FARS2: variants seen among roughly 807,000 people sequenced by gnomAD.
FARS2 encodes the protein phenylalanine--tRNA ligase, mitochondrial.
FARS2 carries 40 observed loss-of-function variants against 46.4 expected under a neutral mutation model. The ratio of observed to expected loss-of-function variants is 0.86; its 90% confidence interval spans 0.67 to 1.12. The LOEUF (loss-of-function observed/expected upper bound fraction) is 1.12, where lower values mean the gene tolerates loss of function less well. Among genes scored for constraint, FARS2 ranks in the 50% most tolerant of loss-of-function variants. The pLI is 0.00. For synonymous variants in FARS2, 234 were observed against 214.9 expected (o/e 1.09, Z -0.78); for missense variants, 513 against 567.9 (o/e 0.90, Z 0.98).
In FARS2 at chr6:5,446,961, G is replaced by T. The variant is rs150091046; in HGVS notation, c.904+15789G>T. Among the ~76,000 whole-genome samples the T allele has an allele frequency of 1.1e-3, 174 of 152,288 alleles. 1 individual carries two copies. The highest frequency in any genetic ancestry group is 1.1e-3 in the Non-Finnish European group (76 of 68,026). On this transcript the variant is annotated intron_variant, in intron 4 of 6. Coordinates refer to ENST00000274680, the MANE Select transcript of FARS2 (RefSeq NM_006567.5). ...CGCATGGATGTCTGGATTACACCAT[G>T]AAACATGTTACTTAGGTGGAGGAGG... is the stretch of plus-strand genomic sequence containing the variant.
At chr6:5,749,446 C>T (rs549225027) in intron 6 of FARS2, among the ~76,000 whole-genome samples, 150 of 152,326 alleles carry the variant, frequency 9.8e-4, no homozygotes, top group Admixed American at 9.5e-3. Context: ...ATGGAAGGTG[C>T]CAGTGGCAGT....
chr6:5,536,856 C>T (rs1770236641), intron 4 of FARS2, among the ~76,000 whole-genome samples: 1 of 152,228 alleles, frequency 6.6e-6, no homozygotes, highest in African/African-American at 2.4e-5. Flanking sequence ...TCTGGCTTCA[C>T]TTAAACACCA....
intron 2 of FARS2, among the ~76,000 whole-genome samples, chr6:5,391,437 T>C (rs1350121788): frequency 1.3e-5 from 2 of 152,160 alleles, no homozygotes; most frequent in Non-Finnish European, 2.9e-5. Context: ...CTATTAACCG[T>C]TAGTACTGCA....
chr6:5,454,775 A>T (rs1486725060), intron 4 of FARS2, among the ~76,000 whole-genome samples: 1 of 152,034 alleles, frequency 6.6e-6, no homozygotes, highest in Admixed American at 6.5e-5. Context: ...GGCAATGCCT[A>T]CTCTGCTTTG....
intron 6 of FARS2, among the ~76,000 whole-genome samples, chr6:5,639,682 AG>A (rs2150736548): frequency 6.6e-6 from 1 of 152,316 alleles, no homozygotes; most frequent in African/African-American, 2.4e-5. Flanking sequence ...CAAATGAGTC[AG>A]CTAAGAACAG....
intron 2 of FARS2, among the ~76,000 whole-genome samples, chr6:5,371,671 A>T (rs1169013688): frequency 6.6e-6 from 1 of 152,182 alleles, no homozygotes; most frequent in African/African-American, 2.4e-5. Flanking sequence ...ATTACTGAGT[A>T]ACTTCAGACT....
At chr6:5,561,257 A>G (rs1278833356) in intron 5 of FARS2, among the ~76,000 whole-genome samples, 2 of 152,206 alleles carry the variant, frequency 1.3e-5, no homozygotes, top group East Asian at 1.9e-4. Flanking sequence ...TTAATATTTT[A>G]TCAAATTTTA....
At chr6:5,610,041 C>T in intron 5 of FARS2, 1 of 942,430 alleles carries the variant, frequency 1.1e-6, no homozygotes, top group Non-Finnish European at 1.7e-6. Context: ...GCCCCTGGAG[C>T]AATTGGTGTT....
chr6:5,265,306 A>C (rs1765478024), intron 1 of FARS2, among the ~76,000 whole-genome samples: 1 of 152,134 alleles, frequency 6.6e-6, no homozygotes, highest in Non-Finnish European at 1.5e-5. Flanking sequence ...AGGGTGCTTG[A>C]TCTATTTAGA....
chr6:5,613,467 A>T, intron 6 of FARS2, 147 bp downstream of exon 6: 1 of 563,402 alleles, frequency 1.8e-6, no homozygotes, highest in Non-Finnish European at 3.0e-6. Context: ...TTATCAGAAA[A>T]CTCTTTGATA....
In FARS2 at chr6:5,267,211, T is replaced by C. The variant is rs536014156; in HGVS notation, c.-22+5551T>C. On this transcript the variant is annotated intron_variant, in intron 1 of 6. Coordinates refer to ENST00000274680, the MANE Select transcript of FARS2 (RefSeq NM_006567.5). Reference sequence around the variant, plus strand: ...TCATTGTAAAGGAAAGAAACCATCTTTTCATGCTACAAACCCCGACCACCA... The same window carrying C: ...TCATTGTAAAGGAAAGAAACCATCTCTTCATGCTACAAACCCCGACCACCA... 2.1e-3 allele frequency among the ~76,000 whole-genome samples: 322 copies of C among 152,146 alleles called. 2 individuals carry two copies. Among genetic ancestry groups the C allele is most frequent in the African/African-American group, 6.8e-3 (281 of 41,524 alleles).
chr6:5,601,971 A>C lies in FARS2; in HGVS notation c.1066-11198A>C, dbSNP rs114239070. ...CTTGACAATGCCATAACTGTGGAGA[A>C]CTTGTGGAGAAAACAGAGACCCTCT... On this transcript the variant is annotated intron_variant, in intron 5 of 6. Coordinates refer to ENST00000274680, the MANE Select transcript of FARS2 (RefSeq NM_006567.5). 5.3e-3 allele frequency among the ~76,000 whole-genome samples: 812 copies of C among 152,316 alleles called. 4 individuals are homozygous for C. Among genetic ancestry groups the C allele is most frequent in the South Asian group, 0.015 (73 of 4,828 alleles).
intron 5 of FARS2, among the ~76,000 whole-genome samples, chr6:5,602,018 A>C (rs1244281509): frequency 6.6e-6 from 1 of 152,196 alleles, no homozygotes; most frequent in Non-Finnish European, 1.5e-5. Flanking sequence ...TGCATTCCAA[A>C]TAATTTCTGA....
Position 5,672,862 on chromosome 6 carries a change from G to A in FARS2, c.1217+59542G>A, listed in dbSNP as rs1457711478. On this transcript the variant is annotated intron_variant, in intron 6 of 6. Transcript: ENST00000274680. ...TTGGAGACACTGTATTTTGCCTTTG[G>A]ATTAGAAACGCCTTTGAGTGGTGAG... Among the ~76,000 whole-genome samples, 3 of 152,102 alleles carry A rather than the reference G, an allele frequency of 2.0e-5. No individual in the cohort carries two copies. The South Asian group carries it at 6.2e-4, about 32-fold the overall frequency.
At chr6:5,424,012 TTCTTC>T (rs1762708829) in intron 3 of FARS2, among the ~76,000 whole-genome samples, 1 of 152,194 alleles carries the variant, frequency 6.6e-6, no homozygotes, top group Non-Finnish European at 1.5e-5. Context: ...AGACACTCTT[TTCTTC>T]TCTTAGGGGA....
intron 5 of FARS2, among the ~76,000 whole-genome samples, chr6:5,560,976 A>G (rs911651298): frequency 6.6e-5 from 10 of 151,988 alleles, no homozygotes; most frequent in South Asian, 2.1e-4. Flanking sequence ...TAAAAATACA[A>G]AAAAAATAGC....
intron 6 of FARS2, among the ~76,000 whole-genome samples, chr6:5,667,121 T>C (rs1293384780): frequency 6.6e-6 from 1 of 152,164 alleles, no homozygotes; most frequent in African/African-American, 2.4e-5. Flanking sequence ...AATACCTGGG[T>C]GACAATATAA....
chr6:5,629,315 A>G (rs957612084), intron 6 of FARS2, among the ~76,000 whole-genome samples: 2 of 152,236 alleles, frequency 1.3e-5, no homozygotes, highest in African/African-American at 2.4e-5. Flanking sequence ...CCATGATTTC[A>G]AACAGGGGTA....
chr6:5,559,598 A>G (rs1771875218), intron 5 of FARS2, among the ~76,000 whole-genome samples: 2 of 152,200 alleles, frequency 1.3e-5, no homozygotes. Flanking sequence ...AATTTATGTT[A>G]TATGGTAAAA....
Sources: allele counts gnomAD v4.1 joint callset (sites outside exome capture counted in the v4.1 genomes callset), GRCh38; gene constraint gnomAD v4.1.1; transcripts MANE v1.5; gene names NCBI Gene and HGNC (gene_info 2026-07-23, HGNC 2026-07-21).